ERI2: variants seen among roughly 807,000 people sequenced by gnomAD.
The protein encoded by ERI2 is ERI1 exoribonuclease 2.
A neutral mutation model predicts 46.8 loss-of-function variants in ERI2; 35 were observed. That is an observed-to-expected ratio of 0.75 (90% CI 0.57 to 0.99). The LOEUF (loss-of-function observed/expected upper bound fraction) is 0.99. Ranked by LOEUF, ERI2 falls within the 50% of genes least tolerant of loss-of-function variation. ERI2 has a pLI of 0.00. For synonymous variants in ERI2, 224 were observed against 271.0 expected (o/e 0.83, Z 1.70); for missense variants, 695 against 796.2 (o/e 0.87, Z 1.53).
chr16:20,788,092 TTTTATTTA>T (rs536487835), intron 10 of ERI2, among the ~76,000 whole-genome samples: 2 of 152,172 alleles, frequency 1.3e-5, no homozygotes, highest in Non-Finnish European at 2.9e-5. Flanking sequence ...ACATTCCTCT[TTTTATTTA>T]TTTATTTATT....
chr16:20,802,683 A>C (rs544582569), intron 4 of ERI2, 113 bp downstream of exon 4: 1 of 1,264,010 alleles, frequency 7.9e-7, no homozygotes, highest in South Asian at 2.0e-5. Flanking sequence ...AAGTGCTGGG[A>C]TTACAGGCAT....
intron 4 of ERI2, 127 bp from the exon 5 acceptor site, chr16:20,801,486 T>A (rs1024796398): frequency 9.7e-7 from 1 of 1,035,736 alleles, no homozygotes; most frequent in Non-Finnish European, 1.3e-6. Flanking sequence ...GAAAACACAG[T>A]GTACTGTGGG....
chr16:20,796,638 T>C lies in ERI2; in HGVS notation c.*1086A>G, dbSNP rs754693129. The C allele has an allele frequency of 1.5e-5, 23 of 1,495,698 alleles. No individual in the cohort carries two copies. The highest frequency in any genetic ancestry group is 1.6e-5 in the Non-Finnish European group (18 of 1,130,890). 92.7% of individuals were successfully genotyped at this position (1,495,698 alleles called of 1,614,324 possible). A position where few individuals can be genotyped will look rare whatever the true frequency, so the allele number is the denominator to read the frequency against. ...GACATATGGGTAAGAATCAGAATCT[T>C]TGAGATTAAAATGAAACCCTGAACC... On this transcript the variant is annotated 3_prime_UTR_variant, in exon 9 of 9. Transcript: ENST00000357967.
rs372476385 is a variant in ERI2 at position 20,785,034 on chromosome 16, C to T, written c.895-4300G>A. 11 of 1,613,562 alleles carry T rather than the reference C, an allele frequency of 6.8e-6. No homozygotes were observed. Among genetic ancestry groups the T allele is most frequent in the Non-Finnish European group, 9.3e-6 (11 of 1,179,748 alleles). ...TGTGTGAGTGCTGGGGAACCAATTA[C>T]CCCTGACGTGACTGAAAAATGGAGA... On this transcript the variant is annotated intron_variant, in intron 10 of 10. Coordinates refer to the ERI2 transcript ENST00000300005.
chr16:20,782,500 A>C (rs2080374799), intron 10 of ERI2, among the ~76,000 whole-genome samples: 1 of 152,142 alleles, frequency 6.6e-6, no homozygotes, highest in Non-Finnish European at 1.5e-5. Flanking sequence ...TATTCACAAC[A>C]CTCAATACTC....
rs982873622 is a variant in ERI2, at chr16:20,803,463, C to T, written c.145G>A (p.Asp49Asn). The T allele has an allele frequency of 3.1e-6, 5 of 1,613,938 alleles. No homozygotes were observed. The African/African-American group carries it at 4.0e-5, about 13-fold the overall frequency. ...TCCTGGCTATGGTGGTGCTTCCCATCATTCCAGCATGTCGATTCAAAATCA... is the reference window on the plus strand; with the variant it reads ...TCCTGGCTATGGTGGTGCTTCCCATTATTCCAGCATGTCGATTCAAAATCA... Reference protein sequence around the residue: ...VIDFESTCWNDGKHHHSQEII... With the variant: ...VIDFESTCWNNGKHHHSQEII... Residue 49 changes from aspartate (D) to asparagine (N), a missense_variant, in exon 3 of 9, where the codon GAT (aspartate) becomes AAT (asparagine). By Grantham distance (23) the Asp-to-Asn change is conservative. Coordinates refer to ENST00000357967, the MANE Select transcript of ERI2 (RefSeq NM_001142725.2).
chr16:20,797,252 A>G lies in ERI2; in HGVS notation c.*472T>C. 1.0e-5 allele frequency: 11 copies of G among 1,102,582 alleles called. No individual in the cohort carries two copies. The highest frequency in any genetic ancestry group is 1.2e-5 in the Non-Finnish European group (11 of 908,982). The allele number at this position is 1,102,582 out of a possible 1,614,324, so 68.3% of individuals were successfully genotyped here. On this transcript the variant is annotated 3_prime_UTR_variant, in exon 9 of 9. Transcript: ENST00000357967. The stretch of plus-strand genomic sequence containing the variant: ...ATGTATAGTATAGAAGCAGTTTCTG[A>G]ACCAGATCTCTGCTACATAGGTTTT...
intron 5 of ERI2, 27 bp downstream of exon 5, chr16:20,801,176 G>C: frequency 1.9e-6 from 3 of 1,565,716 alleles, no homozygotes; most frequent in Non-Finnish European, 2.6e-6. Context: ...ACCCATCTGT[G>C]ATTAATAGGT....
chr16:20,790,055 A>T lies in ERI2; in HGVS notation c.816-498T>A, dbSNP rs575687172. 2.0e-5 allele frequency among the ~76,000 whole-genome samples: 3 copies of T among 152,304 alleles called. No individual in the cohort carries two copies. Among genetic ancestry groups the T allele is most frequent in the Non-Finnish European group, 4.4e-5 (3 of 68,026 alleles). On this transcript the variant is annotated intron_variant, in intron 9 of 10. Transcript: ENST00000300005. This position sits in a 1 kb window ranked among gnomAD's most constrained non-coding sequence, Gnocchi z 4.0. ...ATTATTGCTGGATGGTAAAATTTTT[A>T]AAAAATTTTATCCTGCGTTCACATG...
downstream of ERI2, among the ~76,000 whole-genome samples, chr16:20,793,342 G>A (rs528170430): frequency 6.6e-6 from 1 of 152,100 alleles, no homozygotes; most frequent in Non-Finnish European, 1.5e-5. Context: ...GGTGGCACAC[G>A]CCTGTAATCC....
At chr16:20,799,524 C>CTTT in intron 7 of ERI2, 173 bp from the exon 8 acceptor site, 2 of 614,000 alleles carry the variant, frequency 3.3e-6, no homozygotes, top group South Asian at 4.4e-5. Flanking sequence ...AAGTGGAAGG[C>CTTT]TATGGCAGCA....
Position 20,796,616 on chromosome 16 carries a change from A to T in ERI2, c.*1108T>A. 6.5e-7 allele frequency: 1 copy of T among 1,528,194 alleles called. No homozygotes were observed. Among genetic ancestry groups the T allele is most frequent in the Non-Finnish European group, 8.7e-7 (1 of 1,147,566 alleles). The allele number at this position is 1,528,194 out of a possible 1,614,324, so 94.7% of individuals were successfully genotyped here. A position where few individuals can be genotyped will look rare whatever the true frequency, so the allele number is the denominator to read the frequency against. On this transcript the variant is annotated 3_prime_UTR_variant, in exon 9 of 9. Transcript: ENST00000357967. Reference sequence around the variant, plus strand: ...ACATGTCCCAAACTGAACTGATGACATATGGGTAAGAATCAGAATCTTTGA... The same window carrying T: ...ACATGTCCCAAACTGAACTGATGACTTATGGGTAAGAATCAGAATCTTTGA...
chr16:20,799,305 G>A lies in ERI2; in HGVS notation c.690C>T (p.Ile230=). 6.2e-7 allele frequency: 1 copy of A among 1,613,674 alleles called. No individual in the cohort carries two copies. The highest frequency in any genetic ancestry group is 8.5e-7 in the Non-Finnish European group (1 of 1,179,716). ...TAATTTTCATTACACAACCATCTCT[G>A]ATCATTTTCCAAGCAAGAAGGGCAG... ...RNTALLAWKM[I]RDGCVMKITR... The change falls in exon 8 of 9, where the codon ATC becomes ATT. Residue 230 remains isoleucine, a synonymous_variant. Transcript: ENST00000357967.
At chr16:20,800,817 T>A in intron 5 of ERI2, 1 of 175,312 alleles carries the variant, frequency 5.7e-6, no homozygotes, top group Non-Finnish European at 1.2e-5. Flanking sequence ...AACACAGTCA[T>A]ACAAAAAACC....
chr16:20,786,043 G>A (rs1300788144), intron 10 of ERI2: 2 of 1,397,248 alleles, frequency 1.4e-6, no homozygotes, highest in South Asian at 1.4e-5. Context: ...TAAGTGACTT[G>A]TAATGTTATC....
intron 5 of ERI2, 40 bp downstream of exon 5, chr16:20,801,163 G>A: frequency 6.7e-7 from 1 of 1,489,734 alleles, no homozygotes; most frequent in Non-Finnish European, 9.0e-7. Flanking sequence ...TAGTGGTAAT[G>A]CTACCCATCT....
intron 4 of ERI2, among the ~76,000 whole-genome samples, chr16:20,802,374 C>G (rs2080805509): frequency 1.3e-5 from 2 of 151,852 alleles, no homozygotes; most frequent in African/African-American, 2.4e-5. Flanking sequence ...AGTCCTGAAT[C>G]TGGAATAACA....
downstream of ERI2, chr16:20,792,157 G>T: frequency 6.2e-7 from 1 of 1,614,078 alleles, no homozygotes; most frequent in East Asian, 2.2e-5. Context: ...ATGTGCATAT[G>T]TCTGTGTTAA....
chr16:20,799,203 G>C (rs1336920693), intron 8 of ERI2, 60 bp downstream of exon 8: 1 of 1,574,134 alleles, frequency 6.4e-7, no homozygotes, highest in Non-Finnish European at 8.7e-7. Flanking sequence ...ACGTTTCAAA[G>C]AACGTATGAC....
Sources: gnomAD v4.1 joint callset for allele counts (sites outside exome capture counted in the v4.1 genomes callset) on GRCh38, gnomAD v4.1.1 for gene constraint, Gnocchi (gnomAD v3.1) non-coding constraint, MANE v1.5 for transcripts, NCBI Gene and HGNC (gene_info 2026-07-23, HGNC 2026-07-21) for gene names.